UNC80: variants seen among roughly 807,000 people sequenced by gnomAD.
UNC80 encodes the protein protein unc-80 homolog.
A neutral mutation model predicts 384.6 loss-of-function variants in UNC80; 164 were observed. The observed-to-expected ratio is 0.43, with a 90% confidence interval of 0.38 to 0.49. UNC80 has a LOEUF of 0.49. UNC80 is among the 20% of genes least tolerant of loss of function. The pLI is 0.00. For missense variants in UNC80, 3,330 were observed against 4,143.0 expected, an observed-to-expected ratio of 0.80 and a Z score of 5.39; for synonymous variants, 1,486 against 1,527.8, an observed-to-expected ratio of 0.97 and a Z score of 0.64.
chr2:209,955,756 CACAG>C lies in UNC80; in HGVS notation c.7457+1488_7457+1491del, dbSNP rs1341780906. On this transcript the variant is annotated intron_variant, in intron 48 of 64. Coordinates refer to ENST00000673920, the MANE Select transcript of UNC80 (RefSeq NM_001371986.1). Reference sequence around the variant, plus strand: ...ATATATATACACACACACACACACACACAGAGAGAGACTGACTCACTCTGTCACC... The same window carrying C: ...ATATATATACACACACACACACACACAGAGAGACTGACTCACTCTGTCACC... Among the ~76,000 whole-genome samples, 144 of 121,074 alleles carry C rather than the reference CACAG, an allele frequency of 1.2e-3. 1 individual carries two copies. The highest frequency in any genetic ancestry group is 1.8e-3 in the Non-Finnish European group (102 of 55,696). The allele number at this position is 121,074 out of a possible 152,430, so 79.4% of individuals were successfully genotyped here.
intron 35 of UNC80, among the ~76,000 whole-genome samples, chr2:209,924,514 AT>A (rs1412360579): frequency 6.6e-6 from 1 of 151,976 alleles, no homozygotes; most frequent in Non-Finnish European, 1.5e-5. Flanking sequence ...TCTGCCCTTC[AT>A]TTTTGTACTT....
intron 22 of UNC80, among the ~76,000 whole-genome samples, chr2:209,867,596 G>A (rs563155756): frequency 6.6e-6 from 1 of 152,122 alleles, no homozygotes; most frequent in East Asian, 1.9e-4. Flanking sequence ...TTCATCCACT[G>A]AGGGTGGCTC....
chr2:209,816,764 T>C, intron 9 of UNC80, 145 bp from the exon 10 acceptor site: 1 of 706,246 alleles, frequency 1.4e-6, no homozygotes, highest in Non-Finnish European at 2.3e-6. Context: ...TCTCCCATTT[T>C]TATTGGATGA....
chr2:209,965,366 T>G (rs2092712348), intron 51 of UNC80, among the ~76,000 whole-genome samples: 1 of 152,162 alleles, frequency 6.6e-6, no homozygotes, highest in African/African-American at 2.4e-5. Flanking sequence ...TTTTGGGGCT[T>G]ACTATATACT....
intron 22 of UNC80, among the ~76,000 whole-genome samples, chr2:209,864,145 C>T (rs999772670): frequency 6.6e-6 from 1 of 151,870 alleles, no homozygotes; most frequent in South Asian, 2.1e-4. Context: ...TCATTTCAGG[C>T]CCTATTCATC....
intron 55 of UNC80, 119 bp downstream of exon 55, chr2:209,972,443 TAA>T: frequency 7.5e-7 from 1 of 1,335,002 alleles, no homozygotes; most frequent in Non-Finnish European, 1.0e-6. Flanking sequence ...CTGAATGATT[TAA>T]ATAGGGTCAT....
intron 47 of UNC80, among the ~76,000 whole-genome samples, chr2:209,952,041 C>T (rs1230734924): frequency 1.3e-5 from 2 of 152,224 alleles, no homozygotes; most frequent in South Asian, 2.1e-4. Flanking sequence ...CTAGAATTTC[C>T]ACTTTTTTAA....
chr2:209,874,167 A>G (rs959244823), intron 23 of UNC80, among the ~76,000 whole-genome samples: 7 of 152,200 alleles, frequency 4.6e-5, no homozygotes, highest in African/African-American at 1.7e-4. Context: ...ATTCCATTGT[A>G]CTTATCCTTC....
intron 22 of UNC80, among the ~76,000 whole-genome samples, chr2:209,861,567 G>C (rs1469923913): frequency 6.6e-6 from 1 of 152,176 alleles, no homozygotes; most frequent in African/African-American, 2.4e-5. Context: ...TTAGGGAGAA[G>C]TCCCTCCTTC....
chr2:209,928,548 T>G (rs1396377822), intron 36 of UNC80, among the ~76,000 whole-genome samples: 1 of 152,184 alleles, frequency 6.6e-6, no homozygotes, highest in Non-Finnish European at 1.5e-5. Flanking sequence ...TTTAAAGTTT[T>G]AATTGACACA....
At chr2:209,933,724 A>G in intron 38 of UNC80, 98 bp from the exon 39 acceptor site, 1 of 1,086,188 alleles carries the variant, frequency 9.2e-7, no homozygotes, top group Non-Finnish European at 1.3e-6. Context: ...ATGAAGGCAC[A>G]GAAGAAGGTC....
At chr2:209,914,109 G>T (rs959974376) in intron 31 of UNC80, among the ~76,000 whole-genome samples, 169 bp downstream of exon 31, 6 of 152,194 alleles carry the variant, frequency 3.9e-5, no homozygotes, top group African/African-American at 1.4e-4. Context: ...TAGACCCAGG[G>T]TTTGTGTGCT....
intron 26 of UNC80, among the ~76,000 whole-genome samples, chr2:209,893,568 C>T (rs1344566653): frequency 3.3e-5 from 5 of 152,102 alleles, no homozygotes; most frequent in African/African-American, 1.2e-4. Flanking sequence ...AGCCTTTTGA[C>T]TGAGAGGAGG....
chr2:209,979,265 A>G (rs1303169674), intron 59 of UNC80, among the ~76,000 whole-genome samples: 2 of 152,214 alleles, frequency 1.3e-5, no homozygotes, highest in Non-Finnish European at 1.5e-5. Context: ...AACAACTCCT[A>G]TCTAAAAACT....
At position 209,977,095 on chromosome 2, in the gene UNC80, G is replaced by A. The variant is rs919636427; in HGVS notation, c.8938+17G>A. ...GTGGATCAGGTGAGTGTGCATGAGA[G>A]TGTTGTGAATTTGTTTGACTAATGG... is the stretch of plus-strand genomic sequence containing the variant. On this transcript the variant is annotated intron_variant, in intron 58 of 64. Transcript: ENST00000673920. The A allele has an allele frequency of 5.6e-5, 83 of 1,471,584 alleles. No homozygotes were observed. Among genetic ancestry groups the A allele is most frequent in the Non-Finnish European group, 7.3e-5 (79 of 1,089,034 alleles). 91.2% of individuals were successfully genotyped at this position (1,471,584 alleles called of 1,614,324 possible).
chr2:209,782,504 T>C (rs1383435588), intron 4 of UNC80, among the ~76,000 whole-genome samples: 2 of 152,168 alleles, frequency 1.3e-5, no homozygotes, highest in Non-Finnish European at 2.9e-5. Flanking sequence ...TGTTATACTT[T>C]GTTTATTATC....
chr2:209,966,557 C>T (rs543941618), intron 51 of UNC80, among the ~76,000 whole-genome samples: 7 of 152,294 alleles, frequency 4.6e-5, no homozygotes, highest in Admixed American at 4.6e-4. Context: ...ATATCTAGTT[C>T]TGAAGATTAT....
chr2:209,895,031 TACAA>T (rs1023579476), intron 27 of UNC80, among the ~76,000 whole-genome samples: 2 of 152,072 alleles, frequency 1.3e-5, no homozygotes, highest in Non-Finnish European at 2.9e-5. Flanking sequence ...AAGATGACCA[TACAA>T]TGTGTTAAAC....
chr2:209,929,798 A>G, intron 36 of UNC80, 73 bp from the exon 37 acceptor site: 1 of 1,183,232 alleles, frequency 8.5e-7, no homozygotes, highest in East Asian at 2.9e-5. Context: ...AAAGCTTGTA[A>G]ATTGTCAAAT....
Sources: allele counts gnomAD v4.1 joint callset (sites outside exome capture counted in the v4.1 genomes callset), GRCh38; gene constraint gnomAD v4.1.1; transcripts MANE v1.5; gene names NCBI Gene and HGNC (gene_info 2026-07-23, HGNC 2026-07-21).